The following SLC24A4 variants were observed in gnomAD, a reference collection of about 807,000 sequenced individuals.
SLC24A4 encodes the protein solute carrier family 24 member 4, also known as sodium/potassium/calcium exchanger 4.
Under a neutral mutation model 79.0 loss-of-function variants are expected in SLC24A4, and 53 were observed. The observed-to-expected ratio is 0.67, with a 90% CI of 0.54 to 0.84. The LOEUF is 0.84. SLC24A4 is among the 40% of genes least tolerant of loss of function. The probability of loss-of-function intolerance (pLI) is 0.00; values close to 1 mark genes in which losing one functional copy is unlikely to be tolerated. For missense variants in SLC24A4, 731 were observed against 822.0 expected, an observed-to-expected ratio of 0.89 and a Z score of 1.35; for synonymous variants, 323 against 323.8, an observed-to-expected ratio of 1.00 and a Z score of 0.03.
chr14:92,402,878 C>T (rs1890184530), intron 2 of SLC24A4, among the ~76,000 whole-genome samples: 1 of 152,170 alleles, frequency 6.6e-6, no homozygotes, highest in South Asian at 2.1e-4. Flanking sequence ...GGTGGAGACA[C>T]AGCCAAACCA....
intron 2 of SLC24A4, among the ~76,000 whole-genome samples, chr14:92,417,156 C>T (rs1210707004): frequency 6.6e-6 from 1 of 152,036 alleles, no homozygotes; most frequent in Non-Finnish European, 1.5e-5. Flanking sequence ...AGTCATGCAC[C>T]ATATAACAAC....
At position 92,323,790 on chromosome 14, in the gene SLC24A4, C is replaced by A; in HGVS notation, c.-41C>A. On this transcript the variant is annotated 5_prime_UTR_variant, in exon 1 of 17. Transcript: ENST00000532405. The surrounding 1 kb of genome is among the most constrained non-coding windows in gnomAD (Gnocchi z 4.9). ...ACTGATTGCACTCTGGCCGCTGAAG[C>A]TCCCCATCCTCTCCCAGAGACGGCA... is the stretch of plus-strand genomic sequence containing the variant. 1.3e-6 allele frequency: 2 copies of A among 1,533,196 alleles called. No individual in the cohort carries two copies. Among genetic ancestry groups the A allele is most frequent in the Non-Finnish European group, 1.7e-6 (2 of 1,145,728 alleles). The allele number at this position is 1,533,196 out of a possible 1,614,324, so 95.0% of individuals were successfully genotyped here.
At position 92,484,538 on chromosome 14, in the gene SLC24A4, C is replaced by T. The variant is rs978909910; in HGVS notation, c.1422+1692C>T. 16 of 985,272 alleles carry T rather than the reference C, an allele frequency of 1.6e-5. No individual in the cohort carries two copies. The South Asian group carries it at 7.0e-4, about 43-fold the overall frequency. 61.0% of individuals were successfully genotyped at this position (985,272 alleles called of 1,614,324 possible). A position where few individuals can be genotyped will look rare whatever the true frequency, so the allele number is the denominator to read the frequency against. On this transcript the variant is annotated intron_variant, in intron 13 of 16. Transcript: ENST00000532405. ...CCCAAAAAGAAGCTCAGGATGGACT[C>T]TGTGATTGTGTTTTAGTGAATGAAA...
intron 2 of SLC24A4, among the ~76,000 whole-genome samples, chr14:92,433,260 T>C (rs1199499779): frequency 6.6e-6 from 1 of 152,238 alleles, no homozygotes; most frequent in Non-Finnish European, 1.5e-5. Flanking sequence ...AATGTGGCAG[T>C]GGCAGGTGAG....
At chr14:92,378,133 T>C (rs1217276068) in intron 2 of SLC24A4, among the ~76,000 whole-genome samples, 1 of 150,212 alleles carries the variant, frequency 6.7e-6, no homozygotes, top group Non-Finnish European at 1.5e-5. Context: ...AATAGTTCAC[T>C]CTTTTCTTTT....
intron 2 of SLC24A4, among the ~76,000 whole-genome samples, chr14:92,386,299 G>A (rs1309348820): frequency 6.6e-6 from 1 of 152,066 alleles, no homozygotes; most frequent in Non-Finnish European, 1.5e-5. Context: ...GCAACCCTGA[G>A]CAAGTCACCC....
At chr14:92,362,704 G>A (rs1176812862) in intron 2 of SLC24A4, among the ~76,000 whole-genome samples, 2 of 152,340 alleles carry the variant, frequency 1.3e-5, no homozygotes, top group Admixed American at 1.3e-4. Flanking sequence ...GGCGGCACCA[G>A]TGTGCTGCGT....
In SLC24A4 at chr14:92,353,214, C is replaced by G. The variant is rs1886987933; in HGVS notation, c.241+27236C>G. Among the ~76,000 whole-genome samples, 1 of 152,190 alleles carries G rather than the reference C, an allele frequency of 6.6e-6. No individual in the cohort carries two copies. Among genetic ancestry groups the G allele is most frequent in the African/African-American group, 2.4e-5 (1 of 41,452 alleles). On this transcript the variant is annotated intron_variant, in intron 2 of 16. Transcript: ENST00000532405. The surrounding 1 kb of genome is among the most constrained non-coding windows in gnomAD (Gnocchi z 4.1). ...TCAGGAGCATGACATACTCTTTGAT[C>G]CGTACCTATCTTTGCTCAATATTGA... is the stretch of plus-strand genomic sequence containing the variant.
At chr14:92,363,707 GTGGTC>G (rs796146135) in intron 2 of SLC24A4, among the ~76,000 whole-genome samples, 9 of 152,304 alleles carry the variant, frequency 5.9e-5, no homozygotes, top group African/African-American at 1.9e-4. Flanking sequence ...GCACGCATCT[GTGGTC>G]TCAGCTACTT....
chr14:92,339,455 T>C (rs1382507852), intron 2 of SLC24A4, among the ~76,000 whole-genome samples: 1 of 152,214 alleles, frequency 6.6e-6, no homozygotes, highest in Non-Finnish European at 1.5e-5. Context: ...TAGATGGTGG[T>C]GGTCTGTTAT....
At chr14:92,333,269 T>C (rs1885582936) in intron 2 of SLC24A4, among the ~76,000 whole-genome samples, 1 of 151,246 alleles carries the variant, frequency 6.6e-6, no homozygotes, top group Non-Finnish European at 1.5e-5. Context: ...AATTTTTGTA[T>C]TTTTAGTAGA....
chr14:92,397,519 C>T (rs552147429), intron 2 of SLC24A4, among the ~76,000 whole-genome samples: 21 of 152,304 alleles, frequency 1.4e-4, no homozygotes, highest in African/African-American at 3.8e-4. Context: ...AAAATAGTTG[C>T]CAAAGCATCC....
rs1213715937 is a variant in SLC24A4 at position 92,398,880 on chromosome 14, G to C, written c.242-35032G>C. Among the ~76,000 whole-genome samples, 1 of 152,224 alleles carries C rather than the reference G, an allele frequency of 6.6e-6. No homozygotes were observed. Among genetic ancestry groups the C allele is most frequent in the Non-Finnish European group, 1.5e-5 (1 of 68,040 alleles). ...TCCTTAAATCGTCAACTCAATGCCT[G>C]CTTCTTTCCCAGGATTGGATCTTCA... is the stretch of plus-strand genomic sequence containing the variant. On this transcript the variant is annotated intron_variant, in intron 2 of 16. Coordinates refer to ENST00000532405, the MANE Select transcript of SLC24A4 (RefSeq NM_153646.4). This position sits in a 1 kb window ranked among gnomAD's most constrained non-coding sequence, Gnocchi z 4.1.
intron 2 of SLC24A4, among the ~76,000 whole-genome samples, chr14:92,386,460 CG>C (rs1889163509): frequency 6.6e-6 from 1 of 152,106 alleles, no homozygotes; most frequent in Non-Finnish European, 1.5e-5. Context: ...CTACAATCTG[CG>C]GGGTGCCGGG....
chr14:92,455,875 A>G (rs1400896978), intron 11 of SLC24A4, among the ~76,000 whole-genome samples: 2 of 152,018 alleles, frequency 1.3e-5, no homozygotes, highest in African/African-American at 4.8e-5. Context: ...TAGTTTTTGT[A>G]TTTTTAGTAG....
chr14:92,466,034 G>A (rs1894098588), intron 12 of SLC24A4, among the ~76,000 whole-genome samples: 1 of 152,160 alleles, frequency 6.6e-6, no homozygotes, highest in South Asian at 2.1e-4. Context: ...AATGCCCTGA[G>A]GGTCATCAAA....
chr14:92,372,352 G>A (rs1191800073), intron 2 of SLC24A4, among the ~76,000 whole-genome samples: 4 of 152,148 alleles, frequency 2.6e-5, no homozygotes, highest in Non-Finnish European at 5.9e-5. Flanking sequence ...CCATGGCGTG[G>A]CCAGCTCTGA....
At position 92,373,171 on chromosome 14, in the gene SLC24A4, T is replaced by TACACAC. The variant is rs66513416; in HGVS notation, c.241+47210_241+47215dup. Among the ~76,000 whole-genome samples, 667 of 143,070 alleles carry TACACAC rather than the reference T, an allele frequency of 4.7e-3. 7 individuals are homozygous for TACACAC. The highest frequency in any genetic ancestry group is 0.021 in the Middle Eastern group (6 of 288). 93.9% of individuals were successfully genotyped at this position (143,070 alleles called of 152,430 possible). A position where few individuals can be genotyped will look rare whatever the true frequency, so the allele number is the denominator to read the frequency against. On this transcript the variant is annotated intron_variant, in intron 2 of 16. Coordinates refer to ENST00000532405, the MANE Select transcript of SLC24A4 (RefSeq NM_153646.4). ...CCCACCACCATGCCCAGCTAATTTATACACACACACACACACACACACGCA... is the reference window on the plus strand; with the variant it reads ...CCCACCACCATGCCCAGCTAATTTATACACACACACACACACACACACACACACGCA...
rs888477976 is a variant in SLC24A4, at chr14:92,323,672, C to T, written c.-159C>T. 2.1e-5 allele frequency: 19 copies of T among 903,930 alleles called. No homozygotes were observed. The South Asian group carries it at 3.0e-4, about 14-fold the overall frequency. The allele number at this position is 903,930 out of a possible 1,614,324, so 56.0% of individuals were successfully genotyped here. ...TCCCCACCTTCCCAAGGGGCTCCCCCGCCGACCTCGCCCTCGGGCCATGAG... is the reference window on the plus strand; with the variant it reads ...TCCCCACCTTCCCAAGGGGCTCCCCTGCCGACCTCGCCCTCGGGCCATGAG... On this transcript the variant is annotated 5_prime_UTR_variant, in exon 1 of 17. Transcript: ENST00000532405. This position sits in a 1 kb window ranked among gnomAD's most constrained non-coding sequence, Gnocchi z 4.9.
Sources: allele counts gnomAD v4.1 joint callset (sites outside exome capture counted in the v4.1 genomes callset), GRCh38; gene constraint gnomAD v4.1.1; non-coding constraint Gnocchi (gnomAD v3.1); transcripts MANE v1.5; gene names NCBI Gene and HGNC (gene_info 2026-07-23, HGNC 2026-07-21).